PGS1: variants seen among roughly 807,000 people sequenced by gnomAD.
PGS1 encodes phosphatidylglycerophosphate synthase 1, also known as CDP-diacylglycerol--glycerol-3-phosphate 3-phosphatidyltransferase, mitochondrial.
Under a neutral mutation model 58.3 loss-of-function variants are expected in PGS1, and 44 were observed. The observed-to-expected ratio is 0.75, with a 90% CI of 0.59 to 0.97. The LOEUF (loss-of-function observed/expected upper bound fraction) is 0.97. Ranked by LOEUF, PGS1 falls within the 50% of genes least tolerant of loss-of-function variation. PGS1 has a pLI of 0.00. For missense variants in PGS1, 684 were observed against 731.1 expected, an observed-to-expected ratio of 0.94 and a Z score of 0.74; for synonymous variants, 330 against 311.0, an observed-to-expected ratio of 1.06 and a Z score of -0.64.
intron 1 of PGS1, among the ~76,000 whole-genome samples, chr17:78,386,990 G>A (rs61550477): frequency 0.013 from 1,851 of 146,646 alleles, 30 homozygotes; most frequent in African/African-American, 0.041. Context: ...GGTGATGATG[G>A]TGATGATGAT....
At chr17:78,380,262 C>G (rs2081945916) in intron 1 of PGS1, among the ~76,000 whole-genome samples, 1 of 152,132 alleles carries the variant, frequency 6.6e-6, no homozygotes, top group South Asian at 2.1e-4. Context: ...GTTAGATTTT[C>G]TATCTGTACG....
In PGS1 at chr17:78,423,761, G is replaced by A. The variant is rs112488587; in HGVS notation, c.*11-300G>A. 3.8e-5 allele frequency: 41 copies of A among 1,080,770 alleles called. 1 individual carries two copies. The highest frequency in any genetic ancestry group is 2.4e-4 in the African/African-American group (15 of 63,664). 66.9% of individuals were successfully genotyped at this position (1,080,770 alleles called of 1,614,324 possible). A position where few individuals can be genotyped will look rare whatever the true frequency, so the allele number is the denominator to read the frequency against. ...ACACCAACCTCCACCCTCTGGTTCC[G>A]ATGTGCTTGGTTACAAAGCACCTGA... On this transcript the variant is annotated intron_variant, in intron 9 of 9. Coordinates refer to ENST00000262764, the MANE Select transcript of PGS1 (RefSeq NM_024419.5).
At chr17:78,423,318 C>T (rs371644292) in intron 9 of PGS1, among the ~76,000 whole-genome samples, 9 of 152,128 alleles carry the variant, frequency 5.9e-5, no homozygotes, top group Non-Finnish European at 1.0e-4. Context: ...CTTGTGGGAA[C>T]GGCTTGTTCT....
intron 1 of PGS1, among the ~76,000 whole-genome samples, chr17:78,384,875 G>A (rs544581940): frequency 2.6e-5 from 4 of 152,368 alleles, no homozygotes; most frequent in Non-Finnish European, 4.4e-5. Context: ...ATGTGGAAGG[G>A]ACGTCTAAAG....
Position 78,424,482 on chromosome 17 carries a change from A to G in PGS1, c.*432A>G. 3.2e-6 allele frequency: 1 copy of G among 312,714 alleles called. No homozygotes were observed. Among genetic ancestry groups the G allele is most frequent in the East Asian group, 6.0e-5 (1 of 16,766 alleles). 19.4% of individuals were successfully genotyped at this position (312,714 alleles called of 1,614,324 possible). A position where few individuals can be genotyped will look rare whatever the true frequency, so the allele number is the denominator to read the frequency against. On this transcript the variant is annotated 3_prime_UTR_variant, in exon 10 of 10. Coordinates refer to ENST00000262764, the MANE Select transcript of PGS1 (RefSeq NM_024419.5). ...TAACTCCAGCTAAAAATTACAGAGT[A>G]AAGTTCCCTGATTCTTAATGTGTAA...
intron 1 of PGS1, among the ~76,000 whole-genome samples, chr17:78,380,204 T>TA (rs893072968): frequency 6.0e-4 from 90 of 148,842 alleles, no homozygotes; most frequent in Admixed American, 1.1e-3. Context: ...ACTTGATCTT[T>TA]AAAAAAAAAA....
At chr17:78,406,056 C>T (rs918132784) in intron 7 of PGS1, among the ~76,000 whole-genome samples, 4 of 151,380 alleles carry the variant, frequency 2.6e-5, no homozygotes, top group African/African-American at 9.7e-5. Context: ...GTGGCTCACG[C>T]CTGTAATCCC....
intron 1 of PGS1, among the ~76,000 whole-genome samples, chr17:78,391,619 A>C (rs2082839600): frequency 6.6e-6 from 1 of 152,096 alleles, no homozygotes; most frequent in Admixed American, 6.6e-5. Context: ...CTGGGACTAC[A>C]GTCACATACC....
chr17:78,409,252 G>A (rs191584703), intron 7 of PGS1, among the ~76,000 whole-genome samples: 150 of 152,384 alleles, frequency 9.8e-4, no homozygotes, highest in African/African-American at 3.4e-3. Context: ...TCATGAGGAA[G>A]ATCAGAAAGT....
At chr17:78,395,104 C>T (rs776885441) in intron 2 of PGS1, among the ~76,000 whole-genome samples, 4 of 152,164 alleles carry the variant, frequency 2.6e-5, no homozygotes, top group African/African-American at 7.2e-5. Context: ...CCGAGTAGCA[C>T]GTGTTTCTTC....
chr17:78,404,145 A>G, intron 7 of PGS1, 56 bp downstream of exon 7: 4 of 1,457,708 alleles, frequency 2.7e-6, no homozygotes, highest in Non-Finnish European at 3.6e-6. Context: ...AAACATGGGC[A>G]GGGGGTGGGG....
intron 1 of PGS1, among the ~76,000 whole-genome samples, chr17:78,387,623 G>T (rs1271832136): frequency 2.2e-5 from 3 of 137,764 alleles, no homozygotes; most frequent in African/African-American, 7.8e-5. Flanking sequence ...TTTTTGAGGT[G>T]GAGTTTCGCT....
In PGS1 at chr17:78,395,468, A is replaced by T. The variant is rs1011355173; in HGVS notation, c.334-840A>T. Among the ~76,000 whole-genome samples the T allele has an allele frequency of 8.5e-5, 13 of 152,048 alleles. 1 individual carries two copies. Among genetic ancestry groups the T allele is most frequent in the Non-Finnish European group, 1.9e-4 (13 of 68,008 alleles). ...GCTGTGTTGTTCCTTCTCATAGGGAAGCAGGTAGATGTGAAGCTGCCTCCC... is the reference window on the plus strand; with the variant it reads ...GCTGTGTTGTTCCTTCTCATAGGGATGCAGGTAGATGTGAAGCTGCCTCCC... On this transcript the variant is annotated intron_variant, in intron 2 of 9. Coordinates refer to ENST00000262764, the MANE Select transcript of PGS1 (RefSeq NM_024419.5).
intron 3 of PGS1, among the ~76,000 whole-genome samples, chr17:78,397,492 A>G (rs1238733566): frequency 7.0e-6 from 1 of 143,222 alleles, no homozygotes; most frequent in African/African-American, 2.6e-5. Flanking sequence ...GCTGGAGTGC[A>G]ATGGCGCGAT....
At chr17:78,383,785 C>G (rs1290681708) in intron 1 of PGS1, among the ~76,000 whole-genome samples, 1 of 152,180 alleles carries the variant, frequency 6.6e-6, no homozygotes, top group African/African-American at 2.4e-5. Context: ...AAAAGATTTA[C>G]AACGGACTGA....
At chr17:78,402,747 C>A (rs573246375) in intron 6 of PGS1, among the ~76,000 whole-genome samples, 121 of 152,160 alleles carry the variant, frequency 8.0e-4, no homozygotes, top group Non-Finnish European at 1.1e-3. Context: ...GCCACTGTGC[C>A]CGGCCTGTTC....
intron 3 of PGS1, 87 bp downstream of exon 3, chr17:78,396,472 A>C: frequency 2.1e-6 from 2 of 964,680 alleles, no homozygotes; most frequent in South Asian, 3.2e-5. Context: ...GTTGGTGTGG[A>C]GCTGCCTTTC....
intron 1 of PGS1, among the ~76,000 whole-genome samples, chr17:78,386,417 G>A (rs2082388169): frequency 6.6e-6 from 1 of 152,152 alleles, no homozygotes; most frequent in South Asian, 2.1e-4. Context: ...AGAGAGGCAA[G>A]GGTGGCAGAA....
chr17:78,393,910 G>A (rs1443165941), intron 2 of PGS1, among the ~76,000 whole-genome samples: 1 of 100 alleles, frequency 0.01, no homozygotes, highest in Non-Finnish European at 0.02. Flanking sequence ...GGCCAGGCGT[G>A]GTGGGGCCTA....
Sources: gnomAD v4.1 joint callset for allele counts (sites outside exome capture counted in the v4.1 genomes callset) on GRCh38, gnomAD v4.1.1 for gene constraint, MANE v1.5 for transcripts, NCBI Gene and HGNC (gene_info 2026-07-23, HGNC 2026-07-21) for gene names.